SLIT2: variants seen among roughly 807,000 people sequenced by gnomAD.
The protein encoded by SLIT2 is slit guidance ligand 2, also known as slit homolog 2 protein.
SLIT2 carries 41 observed loss-of-function variants against 185.7 expected under a neutral mutation model. The observed-to-expected ratio is 0.22, with a 90% CI of 0.17 to 0.29. The LOEUF (loss-of-function observed/expected upper bound fraction) is 0.29. Among genes scored for constraint, SLIT2 ranks in the 10% least tolerant of loss-of-function variants. SLIT2 has a pLI of 1.00. For synonymous variants in SLIT2, 693 were observed against 680.2 expected (o/e 1.02, Z -0.29); for missense variants, 1,571 against 1,909.0 (o/e 0.82, Z 3.30).
At chr4:20,380,050 C>T (rs1293021274) in intron 4 of SLIT2, among the ~76,000 whole-genome samples, 2 of 151,850 alleles carry the variant, frequency 1.3e-5, no homozygotes. Flanking sequence ...CTAGGTAAGA[C>T]GAGGGAATTG....
chr4:20,277,109 C>G (rs1023215806), intron 4 of SLIT2, among the ~76,000 whole-genome samples: 1 of 152,072 alleles, frequency 6.6e-6, no homozygotes, highest in Admixed American at 6.6e-5. Context: ...AACACCAAGA[C>G]TTTTATTACC....
In SLIT2 at chr4:20,619,663, G is replaced by C. The variant is rs1459856941; in HGVS notation, c.*654G>C. 6.6e-6 allele frequency: 1 copy of C among 151,988 alleles called. No individual in the cohort carries two copies. The highest frequency in any genetic ancestry group is 1.5e-5 in the Non-Finnish European group (1 of 68,008). The allele number at this position is 151,988 out of a possible 1,614,324, so 9.4% of individuals were successfully genotyped here. A position where few individuals can be genotyped will look rare whatever the true frequency, so the allele number is the denominator to read the frequency against. On this transcript the variant is annotated 3_prime_UTR_variant, in exon 37 of 37. Transcript: ENST00000504154. Reference sequence around the variant, plus strand: ...GTATTAATTTTTTTGTAATATAAATGATAAAGGAGATGATAAAGAACCAAT... The same window carrying C: ...GTATTAATTTTTTTGTAATATAAATCATAAAGGAGATGATAAAGAACCAAT...
chr4:20,282,921 G>GT (rs1714914291), intron 4 of SLIT2, among the ~76,000 whole-genome samples: 1 of 152,290 alleles, frequency 6.6e-6, no homozygotes, highest in South Asian at 2.1e-4. Context: ...GTTGTCACGT[G>GT]TAAGACTTTT....
At position 20,357,841 on chromosome 4, in the gene SLIT2, C is replaced by T. The variant is rs533557986; in HGVS notation, c.395+88960C>T. 2.0e-5 allele frequency among the ~76,000 whole-genome samples: 3 copies of T among 152,076 alleles called. No homozygotes were observed. The South Asian group carries it at 6.2e-4, about 32-fold the overall frequency. On this transcript the variant is annotated intron_variant, in intron 4 of 36. Coordinates refer to ENST00000504154, the MANE Select transcript of SLIT2 (RefSeq NM_004787.4). ...ATATTAATATTGCTACAGACACAAA[C>T]TTTGCTAGCCCTTTATTGGTAGATT... is the stretch of plus-strand genomic sequence containing the variant.
chr4:20,507,870 C>T (rs2148821435), intron 9 of SLIT2, among the ~76,000 whole-genome samples: 1 of 151,992 alleles, frequency 6.6e-6, no homozygotes, highest in East Asian at 1.9e-4. Context: ...TTGACCAAGA[C>T]ATGAAGAATC....
At chr4:20,330,882 G>C (rs1720007785) in intron 4 of SLIT2, among the ~76,000 whole-genome samples, 1 of 152,016 alleles carries the variant, frequency 6.6e-6, no homozygotes, top group Non-Finnish European at 1.5e-5. Context: ...CTAATATATA[G>C]ATAAATTCAT....
Position 20,375,608 on chromosome 4 carries a change from T to C in SLIT2, c.396-92144T>C, listed in dbSNP as rs1015635379. Among the ~76,000 whole-genome samples the C allele has an allele frequency of 2.0e-5, 3 of 152,232 alleles. No individual in the cohort carries two copies. The South Asian group carries it at 6.2e-4, about 32-fold the overall frequency. ...TTTATGGCAAACCATTTAATCAGTC[T>C]TGACCTTCATTTTCTCATCATAAGT... On this transcript the variant is annotated intron_variant, in intron 4 of 36. Transcript: ENST00000504154.
chr4:20,513,540 A>T (rs570567779), intron 11 of SLIT2, among the ~76,000 whole-genome samples: 43 of 152,340 alleles, frequency 2.8e-4, no homozygotes, highest in Non-Finnish European at 5.6e-4. Flanking sequence ...CCGATTATGT[A>T]CTAGGCCCTA....
chr4:20,321,297 C>A (rs1719058476), intron 4 of SLIT2, among the ~76,000 whole-genome samples: 1 of 152,204 alleles, frequency 6.6e-6, no homozygotes, highest in African/African-American at 2.4e-5. Context: ...CAAAATTCTG[C>A]AGATTTTCCC....
intron 4 of SLIT2, among the ~76,000 whole-genome samples, chr4:20,273,062 A>G (rs956632090): frequency 5.3e-5 from 8 of 152,156 alleles, no homozygotes; most frequent in African/African-American, 1.9e-4. Flanking sequence ...GATAACTATA[A>G]TAATTGGGAC....
Position 20,518,520 on chromosome 4 carries a change from G to C in SLIT2, c.1059-862G>C, listed in dbSNP as rs767902367. On this transcript the variant is annotated intron_variant, in intron 11 of 36. Transcript: ENST00000504154. Reference sequence around the variant, plus strand: ...GCCGGCCTCGGCCTCCCAAAGTGCTGGGATTACAGGCATGAGCCACTGTGC... The same window carrying C: ...GCCGGCCTCGGCCTCCCAAAGTGCTCGGATTACAGGCATGAGCCACTGTGC... Among the ~76,000 whole-genome samples the C allele has an allele frequency of 1.1e-4, 12 of 112,270 alleles. 1 individual carries two copies. In the East Asian group the frequency reaches 3.1e-3, roughly 29 times the overall value. The allele number at this position is 112,270 out of a possible 152,430, so 73.7% of individuals were successfully genotyped here. A position where few individuals can be genotyped will look rare whatever the true frequency, so the allele number is the denominator to read the frequency against.
At chr4:20,450,763 G>A (rs1712382554) in intron 4 of SLIT2, among the ~76,000 whole-genome samples, 1 of 152,154 alleles carries the variant, frequency 6.6e-6, no homozygotes, top group African/African-American at 2.4e-5. Flanking sequence ...GGTGTATTTG[G>A]AAAAGCCATA....
intron 4 of SLIT2, among the ~76,000 whole-genome samples, chr4:20,457,454 G>A (rs1179538716): frequency 6.6e-6 from 1 of 151,834 alleles, no homozygotes; most frequent in Non-Finnish European, 1.5e-5. Context: ...AGCAGAGAGA[G>A]AAGCATGTGC....
At chr4:20,564,866 A>G (rs1201164324) in intron 26 of SLIT2, among the ~76,000 whole-genome samples, 8 of 151,882 alleles carry the variant, frequency 5.3e-5, no homozygotes, top group Non-Finnish European at 8.8e-5. Context: ...ATAATTCAGC[A>G]TAATTATCGC....
At chr4:20,433,967 T>G (rs2109511353) in intron 4 of SLIT2, among the ~76,000 whole-genome samples, 1 of 152,304 alleles carries the variant, frequency 6.6e-6, no homozygotes, top group Non-Finnish European at 1.5e-5. Context: ...TAGTGAAGAC[T>G]CAGGACATAA....
intron 29 of SLIT2, among the ~76,000 whole-genome samples, chr4:20,579,698 A>T (rs1378578456): frequency 6.6e-6 from 1 of 151,918 alleles, no homozygotes; most frequent in African/African-American, 2.4e-5. Context: ...AAATAAAAAA[A>T]CCTCACTCTG....
At chr4:20,396,141 C>G (rs1014683991) in intron 4 of SLIT2, among the ~76,000 whole-genome samples, 1 of 151,856 alleles carries the variant, frequency 6.6e-6, no homozygotes, top group Non-Finnish European at 1.5e-5. Context: ...ATTGTTCTAC[C>G]TTTATATCTC....
At chr4:20,424,493 T>C (rs930902587) in intron 4 of SLIT2, among the ~76,000 whole-genome samples, 2 of 152,106 alleles carry the variant, frequency 1.3e-5, no homozygotes, top group Non-Finnish European at 2.9e-5. Flanking sequence ...TATGGGTTTT[T>C]CTCAAATACT....
At chr4:20,308,215 G>A (rs1170880581) in intron 4 of SLIT2, among the ~76,000 whole-genome samples, 1 of 152,130 alleles carries the variant, frequency 6.6e-6, no homozygotes, top group Admixed American at 6.5e-5. Context: ...GCCAAGGAAG[G>A]AGTCTACCAT....
Sources: gnomAD v4.1 joint callset for allele counts (sites outside exome capture counted in the v4.1 genomes callset) on GRCh38, gnomAD v4.1.1 for gene constraint, MANE v1.5 for transcripts, NCBI Gene and HGNC (gene_info 2026-07-23, HGNC 2026-07-21) for gene names.